DNMT3A: variants seen among roughly 807,000 people sequenced by gnomAD.
DNMT3A encodes DNA (cytosine-5)-methyltransferase 3A.
DNMT3A carries 267 observed loss-of-function variants against 117.6 expected under a neutral mutation model. That is an observed-to-expected ratio of 2.27 (90% CI 2.05 to 2.51). The LOEUF (loss-of-function observed/expected upper bound fraction) is 2.51, where lower values mean the gene tolerates loss of function less well. Ranked by LOEUF, DNMT3A falls within the 30% of genes most tolerant of loss-of-function variation. The pLI is 0.00. For synonymous variants in DNMT3A, 432 were observed against 474.8 expected (o/e 0.91, Z 1.17); for missense variants, 1,029 against 1,260.2 (o/e 0.82, Z 2.78).
intron 10 of DNMT3A, 48 bp downstream of exon 10, chr2:25,246,572 A>G: frequency 6.3e-7 from 1 of 1,585,828 alleles, no homozygotes; most frequent in South Asian, 1.1e-5. Flanking sequence ...CCTGGTGTGG[A>G]TCTGCCTGGC....
intron 6 of DNMT3A, among the ~76,000 whole-genome samples, chr2:25,265,544 C>T (rs1019457539): frequency 2.0e-5 from 3 of 152,112 alleles, no homozygotes; most frequent in Non-Finnish European, 4.4e-5. Flanking sequence ...TCTGGCCGGG[C>T]GCGGTGGCTC....
At chr2:25,248,336 C>A in intron 6 of DNMT3A, 84 bp from the exon 7 acceptor site, 1 of 1,462,328 alleles carries the variant, frequency 6.8e-7, no homozygotes, top group South Asian at 1.2e-5. Flanking sequence ...CCATGTTTGT[C>A]AAAACCCGGA....
intron 6 of DNMT3A, among the ~76,000 whole-genome samples, chr2:25,265,371 G>A (rs1350655428): frequency 6.6e-6 from 1 of 152,202 alleles, no homozygotes; most frequent in Non-Finnish European, 1.5e-5. Context: ...CAGGAAAACT[G>A]GGAGTGTAGG....
At chr2:25,239,265 A>G (rs2149267975) in intron 19 of DNMT3A, 50 bp from the exon 20 acceptor site, 1 of 1,544,174 alleles carries the variant, frequency 6.5e-7, no homozygotes. Flanking sequence ...AGCATGAAAC[A>G]GCGCCGGCAT....
chr2:25,335,463 C>G (rs2035176446), intron 1 of DNMT3A, among the ~76,000 whole-genome samples: 1 of 152,130 alleles, frequency 6.6e-6, no homozygotes, highest in Non-Finnish European at 1.5e-5. Context: ...CATGGCCGTT[C>G]CCAAGTATTC....
At chr2:25,313,159 C>G (rs1428936080) in intron 2 of DNMT3A, among the ~76,000 whole-genome samples, 1 of 152,126 alleles carries the variant, frequency 6.6e-6, no homozygotes, top group Non-Finnish European at 1.5e-5. Context: ...TGGTAAGGTC[C>G]CAAGACAGCC....
Position 25,305,887 on chromosome 2 carries a change from C to A in DNMT3A, c.73-5644G>T, listed in dbSNP as rs1475818400. On this transcript the variant is annotated intron_variant, in intron 2 of 22. Coordinates refer to ENST00000321117, the MANE Select transcript of DNMT3A (RefSeq NM_022552.5). The surrounding 1 kb of genome is among the most constrained non-coding windows in gnomAD (Gnocchi z 4.1). ...CAGCCTGACATACGTGTATTCCCTT[C>A]AGTACTTAAACCGGATGCTACTGAC... is the stretch of plus-strand genomic sequence containing the variant. 6.6e-6 allele frequency among the ~76,000 whole-genome samples: 1 copy of A among 152,216 alleles called. No individual in the cohort carries two copies. Among genetic ancestry groups the A allele is most frequent in the Non-Finnish European group, 1.5e-5 (1 of 68,038 alleles).
intron 3 of DNMT3A, among the ~76,000 whole-genome samples, chr2:25,289,524 C>T (rs955689295): frequency 6.6e-6 from 1 of 152,154 alleles, no homozygotes; most frequent in African/African-American, 2.4e-5. Flanking sequence ...GGAGCTGGAG[C>T]GATACTCGCT....
intron 1 of DNMT3A, 23 bp downstream of exon 1, chr2:25,341,803 C>T (rs1308664409): frequency 1.0e-6 from 1 of 979,580 alleles, no homozygotes; most frequent in African/African-American, 1.8e-5. Context: ...GCCTTCCGGG[C>T]CGCCAGCAGC....
chr2:25,267,078 T>A (rs1462004559), intron 6 of DNMT3A, among the ~76,000 whole-genome samples: 1 of 152,170 alleles, frequency 6.6e-6, no homozygotes, highest in Admixed American at 6.5e-5. Flanking sequence ...ATAATAGTAA[T>A]TACGTGGCTA....
chr2:25,288,897 A>T (rs2032530821), intron 3 of DNMT3A, among the ~76,000 whole-genome samples: 1 of 152,116 alleles, frequency 6.6e-6, no homozygotes, highest in Non-Finnish European at 1.5e-5. Flanking sequence ...AGCCCCCTGT[A>T]GTTGGCAGGT....
intron 1 of DNMT3A, among the ~76,000 whole-genome samples, chr2:25,318,698 CTT>C (rs375722790): frequency 1.1e-4 from 14 of 132,218 alleles, no homozygotes; most frequent in Non-Finnish European, 1.6e-4. Context: ...TTTTTCTTTT[CTT>C]TTTTTTTTTT....
intron 12 of DNMT3A, among the ~76,000 whole-genome samples, chr2:25,245,541 C>T (rs1252962536): frequency 2.0e-5 from 3 of 152,242 alleles, no homozygotes; most frequent in African/African-American, 7.2e-5. Flanking sequence ...CATCCACAAA[C>T]AGGGATGGAG....
intron 3 of DNMT3A, among the ~76,000 whole-genome samples, chr2:25,292,801 TGAA>T (rs1478214992): frequency 3.9e-5 from 6 of 152,118 alleles, no homozygotes; most frequent in African/African-American, 1.2e-4. Context: ...GTGGGGATGA[TGAA>T]AGAAAGCCCA....
chr2:25,278,403 G>A (rs1427039217), intron 4 of DNMT3A, among the ~76,000 whole-genome samples: 1 of 152,250 alleles, frequency 6.6e-6, no homozygotes, highest in Non-Finnish European at 1.5e-5. Context: ...CTGAAAAGGG[G>A]CCCTATGCTC....
rs1672885518 is a variant in DNMT3A at position 25,231,510 on chromosome 2, G to A, written c.*2769C>T. 1 of 152,200 alleles carries A rather than the reference G, an allele frequency of 6.6e-6. No homozygotes were observed. Among genetic ancestry groups the A allele is most frequent in the South Asian group, 2.1e-4 (1 of 4,826 alleles). The allele number at this position is 152,200 out of a possible 1,614,324, so 9.4% of individuals were successfully genotyped here. ...ATTTACTCCTGAGTAATGAGCAGGGGGTCCAAAGCCTTGGTTTGGTTTTGT... is the reference window on the plus strand; with the variant it reads ...ATTTACTCCTGAGTAATGAGCAGGGAGTCCAAAGCCTTGGTTTGGTTTTGT... On this transcript the variant is annotated 3_prime_UTR_variant, in exon 23 of 23. Coordinates refer to ENST00000321117, the MANE Select transcript of DNMT3A (RefSeq NM_022552.5).
chr2:25,331,078 C>T (rs2034998878), intron 1 of DNMT3A, among the ~76,000 whole-genome samples: 1 of 152,152 alleles, frequency 6.6e-6, no homozygotes, highest in Admixed American at 6.5e-5. Flanking sequence ...AGAAGCAATG[C>T]TCAAAACAAA....
At chr2:25,240,255 G>A (rs769523118) in intron 19 of DNMT3A, 47 bp downstream of exon 19, 1 of 1,612,656 alleles carries the variant, frequency 6.2e-7, no homozygotes, top group South Asian at 1.1e-5. Context: ...AGCAGTCCAA[G>A]GTAGAAGCCA....
At chr2:25,272,661 G>A (rs1001523650) in intron 6 of DNMT3A, among the ~76,000 whole-genome samples, 8 of 152,128 alleles carry the variant, frequency 5.3e-5, no homozygotes, top group Non-Finnish European at 1.0e-4. Context: ...CCACGCACAG[G>A]GGTAAGTGCC....
Sources: allele counts gnomAD v4.1 joint callset (sites outside exome capture counted in the v4.1 genomes callset), GRCh38; gene constraint gnomAD v4.1.1; non-coding constraint Gnocchi (gnomAD v3.1); transcripts MANE v1.5; gene names NCBI Gene and HGNC (gene_info 2026-07-23, HGNC 2026-07-21).